Variants in MYO10 observed in about 807,000 individuals in gnomAD.
The protein encoded by MYO10 is unconventional myosin-X.
Under a neutral mutation model 257.3 loss-of-function variants are expected in MYO10, and 133 were observed. The ratio of observed to expected loss-of-function variants is 0.52; its 90% confidence interval spans 0.45 to 0.60. The LOEUF is 0.60. Ranked by LOEUF, MYO10 falls within the 20% of genes least tolerant of loss-of-function variation. MYO10 has a pLI of 0.00. For synonymous variants in MYO10, 1,104 were observed against 1,028.6 expected, an observed-to-expected ratio of 1.07 and a Z score of -1.40; for missense variants, 2,399 against 2,635.7, an observed-to-expected ratio of 0.91 and a Z score of 1.97.
intron 4 of MYO10, among the ~76,000 whole-genome samples, chr5:16,788,813 G>A (rs1741669118): frequency 6.6e-6 from 1 of 152,136 alleles, no homozygotes; most frequent in Admixed American, 6.5e-5. Context: ...CTGAGACGAA[G>A]GAGTAGTTGA....
At chr5:16,812,248 TTCCA>T in intron 3 of MYO10, among the ~76,000 whole-genome samples, 1 of 150,494 alleles carries the variant, frequency 6.6e-6, no homozygotes, top group African/African-American at 2.5e-5. Flanking sequence ...GAGCCTGGGG[TTCCA>T]GGAAGAGAAT....
chr5:16,803,304 T>C (rs1353130260), intron 3 of MYO10, among the ~76,000 whole-genome samples: 1 of 151,674 alleles, frequency 6.6e-6, no homozygotes, highest in East Asian at 1.9e-4. Context: ...GGTGCACACA[T>C]GTGGTCTCAG....
chr5:16,791,986 C>A (rs547635090), intron 4 of MYO10, among the ~76,000 whole-genome samples: 107 of 152,248 alleles, frequency 7.0e-4, no homozygotes, highest in African/African-American at 2.5e-3. Flanking sequence ...ACTGAATACA[C>A]TGACAGTCCC....
intron 2 of MYO10, among the ~76,000 whole-genome samples, chr5:16,818,801 G>T (rs1323134848): frequency 1.3e-5 from 2 of 152,060 alleles, no homozygotes; most frequent in Non-Finnish European, 2.9e-5. Flanking sequence ...GTTCCTAAAA[G>T]ATATTAGTTC....
At chr5:16,902,999 A>G (rs903903944) in intron 1 of MYO10, among the ~76,000 whole-genome samples, 2 of 152,256 alleles carry the variant, frequency 1.3e-5, no homozygotes, top group African/African-American at 4.8e-5. Flanking sequence ...AATGCCTCGT[A>G]ACCTTGGAGA....
chr5:16,684,987 A>G (rs1395809057), intron 29 of MYO10, among the ~76,000 whole-genome samples: 1 of 152,074 alleles, frequency 6.6e-6, no homozygotes, highest in Admixed American at 6.6e-5. Flanking sequence ...CGGAGGTTGC[A>G]GTGAACTGAG....
At chr5:16,923,663 T>TACACAC (rs60949830) in intron 1 of MYO10, among the ~76,000 whole-genome samples, 2,798 of 140,694 alleles carry the variant, frequency 0.02, 31 homozygotes, top group East Asian at 0.056. Context: ...AACACGCCCA[T>TACACAC]ACACACACAC....
At chr5:16,905,693 C>T (rs1764633099) in intron 1 of MYO10, among the ~76,000 whole-genome samples, 1 of 152,154 alleles carries the variant, frequency 6.6e-6, no homozygotes, top group South Asian at 2.1e-4. Context: ...TGGCTCTCAA[C>T]GACCCAGTGA....
intron 1 of MYO10, among the ~76,000 whole-genome samples, chr5:16,924,395 G>A (rs1002746435): frequency 2.0e-5 from 3 of 152,032 alleles, no homozygotes; most frequent in Non-Finnish European, 2.9e-5. Flanking sequence ...CAAAATCCCC[G>A]GGGTCATAAA....
Position 16,671,409 on chromosome 5 carries a change from C to T in MYO10, c.5430+13G>A, listed in dbSNP as rs997595312. 4 of 1,613,482 alleles carry T rather than the reference C, an allele frequency of 2.5e-6. No homozygotes were observed. The highest frequency in any genetic ancestry group is 1.1e-5 in the South Asian group (1 of 90,962). On this transcript the variant is annotated intron_variant, in intron 38 of 40. Coordinates refer to ENST00000513610, the MANE Select transcript of MYO10 (RefSeq NM_012334.3). ...TGCCGGCAAAGAAATCTGTTTCTAA[C>T]TATTCCTTTTACCTGTTCAAACATA...
chr5:16,855,066 T>G (rs139024275), intron 2 of MYO10, among the ~76,000 whole-genome samples: 1,833 of 152,116 alleles, frequency 0.012, 33 homozygotes, highest in Middle Eastern at 0.034. Flanking sequence ...TTGCTTTGTA[T>G]TTCAGACCAT....
chr5:16,853,019 G>C (rs1743852597), intron 2 of MYO10, among the ~76,000 whole-genome samples: 1 of 152,120 alleles, frequency 6.6e-6, no homozygotes, highest in South Asian at 2.1e-4. Context: ...GCTGACATAA[G>C]CCAATATTAG....
intron 9 of MYO10, 88 bp downstream of exon 9, chr5:16,779,454 TAAA>T (rs528368081): frequency 2.6e-4 from 182 of 713,460 alleles, no homozygotes; most frequent in Non-Finnish European, 3.8e-4. Flanking sequence ...TATTTCTATT[TAAA>T]AAAATCTTTT....
At chr5:16,783,291 G>A (rs888539519) in intron 5 of MYO10, 44 bp downstream of exon 5, 2 of 1,504,580 alleles carry the variant, frequency 1.3e-6, no homozygotes, top group Non-Finnish European at 1.8e-6. Context: ...ATACCATAAG[G>A]AAAGTGAATC....
Position 16,727,588 on chromosome 5 carries a change from A to G in MYO10, c.1930-16343T>C, listed in dbSNP as rs180949384. Among the ~76,000 whole-genome samples, 1,086 of 152,356 alleles carry G rather than the reference A, an allele frequency of 7.1e-3. 15 individuals are homozygous for G. Among genetic ancestry groups the G allele is most frequent in the African/African-American group, 0.024 (1,006 of 41,580 alleles). ...TCAAACACGAAGAATTTCCATTAAC[A>G]TCAAATAAAGTGTCAAATAATCTTT... On this transcript the variant is annotated intron_variant, in intron 19 of 40. Transcript: ENST00000513610.
intron 2 of MYO10, among the ~76,000 whole-genome samples, chr5:16,848,465 C>T (rs1418426100): frequency 6.6e-6 from 1 of 152,048 alleles, no homozygotes; most frequent in Non-Finnish European, 1.5e-5. Flanking sequence ...TGGCTAAACA[C>T]ATTTCTTTAC....
At chr5:16,846,935 T>C (rs957472799) in intron 2 of MYO10, among the ~76,000 whole-genome samples, 3 of 151,158 alleles carry the variant, frequency 2.0e-5, no homozygotes, top group Non-Finnish European at 4.4e-5. Context: ...CTGGCCAACA[T>C]GGTGAAACCC....
chr5:16,824,466 C>T (rs1480946698), intron 2 of MYO10, among the ~76,000 whole-genome samples: 2 of 152,120 alleles, frequency 1.3e-5, no homozygotes, highest in South Asian at 4.1e-4. Context: ...GACAATAGTA[C>T]GGTCTAGAAA....
intron 28 of MYO10, among the ~76,000 whole-genome samples, chr5:16,686,779 G>A (rs1430643116): frequency 1.3e-5 from 2 of 151,950 alleles, no homozygotes; most frequent in South Asian, 2.1e-4. Flanking sequence ...CACCTACCTC[G>A]GCCTCCCAAA....
Sources: allele counts gnomAD v4.1 joint callset (sites outside exome capture counted in the v4.1 genomes callset), GRCh38; gene constraint gnomAD v4.1.1; transcripts MANE v1.5; gene names NCBI Gene and HGNC (gene_info 2026-07-23, HGNC 2026-07-21).